BCL11B: variants seen among roughly 807,000 people sequenced by gnomAD.
BCL11B encodes BCL11 transcription factor B, also known as B-cell lymphoma/leukemia 11B.
Under a neutral mutation model 49.9 loss-of-function variants are expected in BCL11B, and 8 were observed. The observed-to-expected ratio is 0.16, with a 90% confidence interval of 0.09 to 0.29. BCL11B has a LOEUF of 0.29. Ranked by LOEUF, BCL11B falls within the 10% of genes least tolerant of loss-of-function variation. The pLI is 1.00. For missense variants in BCL11B, 1,006 were observed against 1,351.0 expected (o/e 0.74, Z 4.00); for synonymous variants, 739 against 637.4 (o/e 1.16, Z -2.40).
In BCL11B at chr14:99,171,666, T is replaced by C. The variant is rs1886294895; in HGVS notation, c.*2485A>G. ...ATTAAGCACTTTTTTTCTACATACT[T>C]TTTCTACATGGTGTAGCAATCCCCT... On this transcript the variant is annotated 3_prime_UTR_variant, in exon 4 of 4. Transcript: ENST00000357195. 4.8e-6 allele frequency: 1 copy of C among 209,900 alleles called. No individual in the cohort carries two copies. Among genetic ancestry groups the C allele is most frequent in the Non-Finnish European group, 9.7e-6 (1 of 103,060 alleles). The allele number at this position is 209,900 out of a possible 1,614,324, so 13.0% of individuals were successfully genotyped here.
chr14:99,202,364 T>C (rs898277299), intron 3 of BCL11B, among the ~76,000 whole-genome samples: 2 of 152,186 alleles, frequency 1.3e-5, no homozygotes, highest in African/African-American at 4.8e-5. Context: ...AAGAGTTCTT[T>C]TCTCCTGCTT....
chr14:99,208,421 T>C (rs1887595600), intron 3 of BCL11B, among the ~76,000 whole-genome samples: 1 of 152,190 alleles, frequency 6.6e-6, no homozygotes, highest in Non-Finnish European at 1.5e-5. Context: ...ACATTATTTA[T>C]TTGGAGTTTA....
chr14:99,249,451 G>A (rs895867057), intron 2 of BCL11B, among the ~76,000 whole-genome samples: 3 of 152,124 alleles, frequency 2.0e-5, no homozygotes, highest in Non-Finnish European at 4.4e-5. Context: ...TCCCTCCCAG[G>A]AGCCTGGTCT....
intron 1 of BCL11B, chr14:99,264,296 C>CA (rs540433430): frequency 1.6e-5 from 2 of 122,420 alleles, no homozygotes; most frequent in African/African-American, 5.1e-5. Flanking sequence ...CCGCCCCCCC[C>CA]CTTTTTTTTA....
chr14:99,251,219 C>T (rs1054680422), intron 2 of BCL11B, among the ~76,000 whole-genome samples: 1 of 152,212 alleles, frequency 6.6e-6, no homozygotes, highest in Non-Finnish European at 1.5e-5. Context: ...AGACAAGTCA[C>T]TGAGCAGGTG....
At chr14:99,243,806 C>T (rs1888738899) in intron 2 of BCL11B, among the ~76,000 whole-genome samples, 1 of 152,090 alleles carries the variant, frequency 6.6e-6, no homozygotes, top group African/African-American at 2.4e-5. Context: ...AACACAGCAC[C>T]TCCGAAGGAG....
chr14:99,186,173 G>A (rs564786546), intron 3 of BCL11B, among the ~76,000 whole-genome samples: 46 of 152,300 alleles, frequency 3.0e-4, no homozygotes, highest in Non-Finnish European at 5.6e-4. Context: ...TGACATCCTC[G>A]GGGGACCAGG....
At chr14:99,219,386 C>T (rs965006621) in intron 3 of BCL11B, among the ~76,000 whole-genome samples, 1 of 152,170 alleles carries the variant, frequency 6.6e-6, no homozygotes, top group Non-Finnish European at 1.5e-5. Flanking sequence ...CCATTTGCTA[C>T]GGCAGCCCTG....
chr14:99,191,451 G>A (rs1390649558), intron 3 of BCL11B, among the ~76,000 whole-genome samples: 1 of 152,096 alleles, frequency 6.6e-6, no homozygotes, highest in Non-Finnish European at 1.5e-5. Context: ...CAGGAAGAGA[G>A]TGGGAAAGGG....
In BCL11B at chr14:99,170,863, T is replaced by G. The variant is rs1433545835; in HGVS notation, c.*3288A>C. On this transcript the variant is annotated 3_prime_UTR_variant, in exon 4 of 4. Transcript: ENST00000357195. ...TGGACCCAGCTGAATCACCAGCTCC[T>G]TTTATGATATTTGTGTTTGTTTCAC... 4.3e-6 allele frequency: 1 copy of G among 232,440 alleles called. No homozygotes were observed. Among genetic ancestry groups the G allele is most frequent in the African/African-American group, 2.2e-5 (1 of 45,304 alleles). 14.4% of individuals were successfully genotyped at this position (232,440 alleles called of 1,614,324 possible).
chr14:99,253,424 G>A (rs1235545355), intron 2 of BCL11B, among the ~76,000 whole-genome samples: 1 of 152,230 alleles, frequency 6.6e-6, no homozygotes, highest in Non-Finnish European at 1.5e-5. Context: ...GGTGCAAGCT[G>A]CTCTAACGCC....
intron 3 of BCL11B, among the ~76,000 whole-genome samples, chr14:99,178,798 G>A (rs1886614005): frequency 6.6e-6 from 1 of 152,196 alleles, no homozygotes; most frequent in Non-Finnish European, 1.5e-5. Flanking sequence ...GATCGTTCCT[G>A]TACCCTGCAC....
chr14:99,252,882 A>G (rs2693698), intron 2 of BCL11B, among the ~76,000 whole-genome samples: 90,713 of 152,158 alleles, frequency 0.6, 27,732 homozygotes, highest in East Asian at 0.96. Flanking sequence ...CTATCAAGTG[A>G]GAATTATATG....
chr14:99,246,066 C>T, intron 2 of BCL11B, among the ~76,000 whole-genome samples: 1 of 151,986 alleles, frequency 6.6e-6, no homozygotes, highest in African/African-American at 2.4e-5. Flanking sequence ...CTGCATGCCC[C>T]CCGCCCCCCA....
chr14:99,253,750 C>G (rs918615615), intron 2 of BCL11B, among the ~76,000 whole-genome samples: 1 of 152,206 alleles, frequency 6.6e-6, no homozygotes, highest in Non-Finnish European at 1.5e-5. Flanking sequence ...TTTGCAAAAC[C>G]TGGAACACCT....
rs1030424498 is a variant in BCL11B, at chr14:99,172,493, CA to C, written c.*1657del. On this transcript the variant is annotated 3_prime_UTR_variant, in exon 4 of 4. Coordinates refer to ENST00000357195, the MANE Select transcript of BCL11B (RefSeq NM_138576.4). ...ACTTTTTTAAAAAGTCTTTTCATTT[CA>C]AAAAAAAAGTTTTGCATTTGTCTCA... is the stretch of plus-strand genomic sequence containing the variant. 53 of 202,542 alleles carry C rather than the reference CA, an allele frequency of 2.6e-4. No homozygotes were observed. Among genetic ancestry groups the C allele is most frequent in the Middle Eastern group, 1.6e-3 (1 of 628 alleles). 12.5% of individuals were successfully genotyped at this position (202,542 alleles called of 1,614,324 possible).
intron 3 of BCL11B, among the ~76,000 whole-genome samples, chr14:99,229,511 C>T (rs1004485152): frequency 2.8e-4 from 42 of 152,186 alleles, no homozygotes; most frequent in Admixed American, 2.7e-3. Flanking sequence ...AGCCACTCTC[C>T]CTCCCCAAGC....
At position 99,231,592 on chromosome 14, in the gene BCL11B, G is replaced by A. The variant is rs1330808639; in HGVS notation, c.428-35C>T. 7.1e-6 allele frequency: 11 copies of A among 1,545,342 alleles called. No individual in the cohort carries two copies. Among genetic ancestry groups the A allele is most frequent in the Middle Eastern group, 2.1e-4 (1 of 4,820 alleles). ...AAACAATAGAAAAGACTGGTCAGTC[G>A]GGCCCTGGACTGTGTGAGGGGCACG... On this transcript the variant is annotated intron_variant, in intron 2 of 3. Coordinates refer to ENST00000357195, the MANE Select transcript of BCL11B (RefSeq NM_138576.4). The surrounding 1 kb of genome is among the most constrained non-coding windows in gnomAD (Gnocchi z 8.1).
chr14:99,268,320 T>C (rs61985743), intron 1 of BCL11B, among the ~76,000 whole-genome samples: 19,934 of 150,056 alleles, frequency 0.13, 1,472 homozygotes, highest in Middle Eastern at 0.19. Context: ...ATGCGTGCTA[T>C]TTGTGTGCCC....
Sources: gnomAD v4.1 joint callset for allele counts (sites outside exome capture counted in the v4.1 genomes callset) on GRCh38, gnomAD v4.1.1 for gene constraint, Gnocchi (gnomAD v3.1) non-coding constraint, MANE v1.5 for transcripts, NCBI Gene and HGNC (gene_info 2026-07-23, HGNC 2026-07-21) for gene names.